Variants in MYO15A observed in about 807,000 individuals in gnomAD.
MYO15A encodes the protein unconventional myosin-XV.
In MYO15A, 308 loss-of-function variants were observed where a neutral mutation model predicts 394.6. The observed-to-expected ratio is 0.78, with a 90% CI of 0.71 to 0.86. The LOEUF (loss-of-function observed/expected upper bound fraction) is 0.86. Ranked by LOEUF, MYO15A falls within the 40% of genes least tolerant of loss-of-function variation. MYO15A has a pLI of 0.00. For synonymous variants in MYO15A, 1,957 were observed against 2,003.8 expected (o/e 0.98, Z 0.62); for missense variants, 4,606 against 4,799.1 (o/e 0.96, Z 1.19).
rs1597752625 is a variant in MYO15A at position 18,120,348 on chromosome 17, G to A, written c.1548G>A (p.Glu516=). 1 of 1,612,304 alleles carries A rather than the reference G, an allele frequency of 6.2e-7. No individual in the cohort carries two copies. The highest frequency in any genetic ancestry group is 1.3e-5 in the African/African-American group (1 of 75,074). The part of the protein sequence containing the change: ...PLGDADEEED[E]EELPPVSAVP... The stretch of plus-strand genomic sequence containing the variant: ...GGGATGCGGACGAAGAAGAGGACGA[G>A]GAGGAGCTGCCCCCGGTTTCCGCTG... The change falls in exon 2 of 66, where the codon GAG becomes GAA. Residue 516 remains glutamate, a synonymous_variant. Coordinates refer to ENST00000647165, the MANE Select transcript of MYO15A (RefSeq NM_016239.4).
At chr17:18,139,910 G>GTACT (rs2046348613) in intron 19 of MYO15A, among the ~76,000 whole-genome samples, 2 of 152,208 alleles carry the variant, frequency 1.3e-5, no homozygotes, top group Admixed American at 1.3e-4. Flanking sequence ...GCCTTGCCCT[G>GTACT]TACTTACCCC....
chr17:18,128,678 C>G (rs1239738419), intron 7 of MYO15A, among the ~76,000 whole-genome samples: 1 of 152,336 alleles, frequency 6.6e-6, no homozygotes, highest in South Asian at 2.1e-4. Context: ...TGGCCAGGCA[C>G]AGTGCTGGGT....
chr17:18,144,616 C>A, intron 29 of MYO15A, 24 bp downstream of exon 29: 1 of 1,605,722 alleles, frequency 6.2e-7, no homozygotes. Flanking sequence ...CCCAGCCCAC[C>A]TTCTAATTCT....
chr17:18,162,742 G>A (rs933305003), intron 58 of MYO15A, 63 bp downstream of exon 58: 4 of 1,542,868 alleles, frequency 2.6e-6, no homozygotes, highest in Non-Finnish European at 3.6e-6. Flanking sequence ...GCTCATGCCT[G>A]TAATCCCAGC....
rs763014519 is a variant in MYO15A at position 18,126,879 on chromosome 17, C to T, written c.3941+14C>T. 2.5e-6 allele frequency: 4 copies of T among 1,613,858 alleles called. No homozygotes were observed. Among genetic ancestry groups the T allele is most frequent in the Admixed American group, 3.3e-5 (2 of 59,996 alleles). ...CATAATCATTAGGTGAGTGGGCTGCCTTTATGTGGGGGATAAATGGGGGAC... is the reference window on the plus strand; with the variant it reads ...CATAATCATTAGGTGAGTGGGCTGCTTTTATGTGGGGGATAAATGGGGGAC... On this transcript the variant is annotated intron_variant, in intron 6 of 65. Transcript: ENST00000647165.
Position 18,144,536 on chromosome 17 carries a change from C to A in MYO15A, c.6217C>A (p.Pro2073Thr). 12 of 1,613,346 alleles carry A rather than the reference C, an allele frequency of 7.4e-6. No homozygotes were observed. Among genetic ancestry groups the A allele is most frequent in the Non-Finnish European group, 1.0e-5 (12 of 1,180,032 alleles). ...GATGCTGACAGTGCCCCTGAGGACA[C>A]CCCTCACGCAGCTGCCAGCCGAGCA... is the stretch of plus-strand genomic sequence containing the variant. ...FGMLTVPLRT[P>T]LTQLPAEHHA... The change falls in exon 29 of 66, where the codon CCC (proline) becomes ACC (threonine). Residue 2073 changes from proline to threonine, a missense_variant. Physicochemically the swap from Pro to Thr is conservative, Grantham distance 38. Transcript: ENST00000647165.
chr17:18,171,914 CAT>C, intron 63 of MYO15A, 143 bp downstream of exon 63: 1 of 1,387,374 alleles, frequency 7.2e-7, no homozygotes, highest in Non-Finnish European at 9.6e-7. Context: ...CTGGAGAAAA[CAT>C]GTCTTTACAT....
rs779064590 is a variant in MYO15A, at chr17:18,161,154, C to T, written c.9387-163C>T. 7.1e-6 allele frequency: 8 copies of T among 1,131,976 alleles called. No individual in the cohort carries two copies. In the East Asian group the frequency reaches 1.8e-4, roughly 25 times the overall value. 70.1% of individuals were successfully genotyped at this position (1,131,976 alleles called of 1,614,324 possible). A position where few individuals can be genotyped will look rare whatever the true frequency, so the allele number is the denominator to read the frequency against. On this transcript the variant is annotated intron_variant, in intron 56 of 65. Coordinates refer to ENST00000647165, the MANE Select transcript of MYO15A (RefSeq NM_016239.4). ...TGTCCCTATCCCCAATCCTGACTTC[C>T]CAAGCAGAATATGCCTTTTGCATAT...
In MYO15A at chr17:18,149,667, G is replaced by A. The variant is rs1050945906; in HGVS notation, c.7212+87G>A. On this transcript the variant is annotated intron_variant, in intron 35 of 65. Coordinates refer to ENST00000647165, the MANE Select transcript of MYO15A (RefSeq NM_016239.4). ...CACACTTGTACAGGGTGACCTGAGA[G>A]CTTCTCACAGCCAGGGTCATGGGGT... is the stretch of plus-strand genomic sequence containing the variant. 7 of 1,366,596 alleles carry A rather than the reference G, an allele frequency of 5.1e-6. No individual in the cohort carries two copies. In the African/African-American group the frequency reaches 7.2e-5, roughly 14 times the overall value. 84.7% of individuals were successfully genotyped at this position (1,366,596 alleles called of 1,614,324 possible). A position where few individuals can be genotyped will look rare whatever the true frequency, so the allele number is the denominator to read the frequency against.
At position 18,119,597 on chromosome 17, in the gene MYO15A, C is replaced by G. The variant is rs761735839; in HGVS notation, c.797C>G (p.Pro266Arg). 6.2e-7 allele frequency: 1 copy of G among 1,604,256 alleles called. No individual in the cohort carries two copies. The highest frequency in any genetic ancestry group is 1.1e-5 in the South Asian group (1 of 91,082). Residue 266 changes from proline to arginine, a missense_variant, in exon 2 of 66, where the codon CCC becomes CGC. Transcript: ENST00000647165. The stretch of plus-strand genomic sequence containing the variant: ...GAACCCTACCTGGCGGGCCTCGGCC[C>G]CTACAGCCCGGCCTGGCCACCCTAC... Reference protein sequence around the residue: ...EQEPYLAGLGPYSPAWPPYGD... With the variant: ...EQEPYLAGLGRYSPAWPPYGD...
Position 18,111,405 on chromosome 17 carries a change from G to A in MYO15A, c.-220+2581G>A, listed in dbSNP as rs74255342. On this transcript the variant is annotated intron_variant, in intron 1 of 65. Transcript: ENST00000647165. ...CCCTACAACACAGGGAGCTCCATGA[G>A]AGCAGAGATCATGTCTGGTTCCACT... is the stretch of plus-strand genomic sequence containing the variant. Among the ~76,000 whole-genome samples the A allele has an allele frequency of 4.8e-3, 729 of 151,026 alleles. 4 individuals are homozygous for A. Among genetic ancestry groups the A allele is most frequent in the Middle Eastern group, 0.021 (6 of 288 alleles).
rs1597746763 is a variant in MYO15A, at chr17:18,118,742, C to T, written c.-59C>T. Reference sequence around the variant, plus strand: ...CAAGAGACAGAGCAGGTCCCTGTGTCTCCAAGTCCCTGAGCCCGTGACACC... The same window carrying T: ...CAAGAGACAGAGCAGGTCCCTGTGTTTCCAAGTCCCTGAGCCCGTGACACC... On this transcript the variant is annotated 5_prime_UTR_variant, in exon 2 of 66. Transcript: ENST00000647165. The T allele has an allele frequency of 5.6e-6, 9 of 1,605,730 alleles. No individual in the cohort carries two copies. The East Asian group carries it at 2.0e-4, about 36-fold the overall frequency.
rs2046648671 is a variant in MYO15A, at chr17:18,154,906, C to T, written c.8224+151C>T. ...TCTGCTTCTCTGGCCTCTCGCATGG[C>T]CGGGCTGCATGTTTGGGGTTGGCAA... On this transcript the variant is annotated intron_variant, in intron 45 of 65. Coordinates refer to ENST00000647165, the MANE Select transcript of MYO15A (RefSeq NM_016239.4). 5 of 1,031,358 alleles carry T rather than the reference C, an allele frequency of 4.8e-6. No individual in the cohort carries two copies. In the Admixed American group the frequency reaches 6.1e-5, roughly 13 times the overall value. The allele number at this position is 1,031,358 out of a possible 1,614,324, so 63.9% of individuals were successfully genotyped here.
At position 18,148,835 on chromosome 17, in the gene MYO15A, A is replaced by C; in HGVS notation, c.6839A>C (p.His2280Pro). The C allele has an allele frequency of 6.2e-7, 1 of 1,606,560 alleles. No individual in the cohort carries two copies. The highest frequency in any genetic ancestry group is 1.1e-5 in the South Asian group (1 of 89,590). The change falls in exon 33 of 66, where the codon CAC (histidine) becomes CCC (proline). Residue 2280 changes from histidine to proline, a missense_variant. Physicochemically the swap from His to Pro is moderately conservative, Grantham distance 77 (BLOSUM62 -2). Transcript: ENST00000647165. The surrounding 1 kb of genome is among the most constrained non-coding windows in gnomAD (Gnocchi z 4.8). ...NGVQWAELAG[H>P]DYVLDLVSDL... ...GTCCAGTGGGCAGAGCTGGCTGGCCACGACTACGTGTTAGACCTGGTGTCG... is the reference window on the plus strand; with the variant it reads ...GTCCAGTGGGCAGAGCTGGCTGGCCCCGACTACGTGTTAGACCTGGTGTCG...
chr17:18,119,995 T>C lies in MYO15A; in HGVS notation c.1195T>C (p.Tyr399His), dbSNP rs750617462. The stretch of plus-strand genomic sequence containing the variant: ...GGCCATCTACCCCCCCGAGGTGCCC[T>C]ATTTTTACCCGGAGGAGTCGGCTTC... ...DEAIYPPEVP[Y>H]FYPEESASAF... The change falls in exon 2 of 66, where the codon TAT becomes CAT. Residue 399 changes from tyrosine (Y) to histidine (H), a missense_variant. Around this residue, in one of 2 missense-constraint regions of MYO15A, gnomAD observed 1,830 missense variants for 1,689.7 expected, o/e 1.08. Transcript: ENST00000647165. The C allele has an allele frequency of 1.1e-5, 17 of 1,613,592 alleles. No homozygotes were observed. The African/African-American group carries it at 2.3e-4, about 22-fold the overall frequency.
intron 63 of MYO15A, 116 bp downstream of exon 63, chr17:18,171,887 T>C: frequency 6.8e-7 from 1 of 1,460,390 alleles, no homozygotes; most frequent in Non-Finnish European, 9.1e-7. Context: ...TCAGTGCCAG[T>C]CAAGCTGAGC....
intron 10 of MYO15A, among the ~76,000 whole-genome samples, chr17:18,131,988 G>A (rs919587044): frequency 6.6e-6 from 1 of 152,160 alleles, no homozygotes; most frequent in South Asian, 2.1e-4. Flanking sequence ...TATTTGCTGA[G>A]TGTCTGTCTC....
In MYO15A at chr17:18,119,840, C is replaced by T. The variant is rs756445119; in HGVS notation, c.1040C>T (p.Ala347Val). 28 of 1,613,068 alleles carry T rather than the reference C, an allele frequency of 1.7e-5. No individual in the cohort carries two copies. Among genetic ancestry groups the T allele is most frequent in the Non-Finnish European group, 2.3e-5 (27 of 1,179,992 alleles). ...TATGGCTACTACCTGGATCCCTATGCGCCGTACGACGCGCCATACCCACCC... is the reference window on the plus strand; with the variant it reads ...TATGGCTACTACCTGGATCCCTATGTGCCGTACGACGCGCCATACCCACCC... ...HPYGYYLDPY[A>V]PYDAPYPPYD... The change falls in exon 2 of 66, where the codon GCG (alanine) becomes GTG (valine). Residue 347 changes from alanine to valine, a missense_variant. Coordinates refer to ENST00000647165, the MANE Select transcript of MYO15A (RefSeq NM_016239.4).
At position 18,121,506 on chromosome 17, in the gene MYO15A, G is replaced by C; in HGVS notation, c.2706G>C (p.Ala902=). 6.4e-7 allele frequency: 1 copy of C among 1,553,760 alleles called. No homozygotes were observed. The highest frequency in any genetic ancestry group is 1.7e-4 in the Middle Eastern group (1 of 5,838). Reference sequence around the variant, plus strand: ...CGCCCAGGGCCGGGGCCTGGCGGGCGCCCCTGGAACACCGGGAGAGCCCGC... The same window carrying C: ...CGCCCAGGGCCGGGGCCTGGCGGGCCCCCCTGGAACACCGGGAGAGCCCGC... ...HRPPRAGAWR[A]PLEHRESPRE... is the part of the protein sequence containing the mutation. Residue 902 remains alanine (A), a synonymous_variant, in exon 2 of 66, where the codon GCG becomes GCC. Coordinates refer to ENST00000647165, the MANE Select transcript of MYO15A (RefSeq NM_016239.4). This position sits in a 1 kb window ranked among gnomAD's most constrained non-coding sequence, Gnocchi z 5.3.
Sources: gnomAD v4.1 joint callset for allele counts (sites outside exome capture counted in the v4.1 genomes callset) on GRCh38, gnomAD v4.1.1 for gene constraint, gnomAD v4.1.1 regional missense constraint, Gnocchi (gnomAD v3.1) non-coding constraint, MANE v1.5 for transcripts, NCBI Gene and HGNC (gene_info 2026-07-23, HGNC 2026-07-21) for gene names.